The following RNLS variants were observed in gnomAD, a reference collection of about 807,000 sequenced individuals.
RNLS encodes the protein renalase, FAD dependent amine oxidase.
RNLS carries 39 observed loss-of-function variants against 39.8 expected under a neutral mutation model. That is an observed-to-expected ratio of 0.98 (90% CI 0.76 to 1.28). RNLS has a LOEUF of 1.28. Ranked by LOEUF, RNLS falls within the 50% of genes most tolerant of loss-of-function variation. The pLI is 0.00. For synonymous variants in RNLS, 147 were observed against 150.7 expected, an observed-to-expected ratio of 0.98 and a Z score of 0.18; for missense variants, 410 against 413.3, an observed-to-expected ratio of 0.99 and a Z score of 0.07.
chr10:88,576,376 A>G (rs1228217255), intron 3 of RNLS, among the ~76,000 whole-genome samples: 1 of 152,230 alleles, frequency 6.6e-6, no homozygotes, highest in Admixed American at 6.5e-5. Flanking sequence ...ACATTTTACA[A>G]AGGCAAATGT....
intron 4 of RNLS, among the ~76,000 whole-genome samples, chr10:88,463,013 T>C (rs1189987216): frequency 6.6e-6 from 1 of 152,086 alleles, no homozygotes; most frequent in African/African-American, 2.4e-5. Context: ...TGCATCTTCC[T>C]TTCCAGATAG....
At chr10:88,559,411 C>T (rs1849048133) in intron 4 of RNLS, among the ~76,000 whole-genome samples, 1 of 152,060 alleles carries the variant, frequency 6.6e-6, no homozygotes, top group African/African-American at 2.4e-5. Context: ...TGAACTAAGA[C>T]CCCTGTCATT....
At chr10:88,285,654 GAAACAAA>G in intron 6 of RNLS, 148 bp from the exon 7 acceptor site, 1 of 667,520 alleles carries the variant, frequency 1.5e-6, no homozygotes, top group East Asian at 2.7e-5. Flanking sequence ...GCACACACAA[GAAACAAA>G]AAACAAACCA....
intron 4 of RNLS, among the ~76,000 whole-genome samples, chr10:88,436,502 A>G (rs1841421645): frequency 6.6e-6 from 1 of 152,206 alleles, no homozygotes; most frequent in Non-Finnish European, 1.5e-5. Flanking sequence ...AAAGCCACTC[A>G]CAATGATATT....
At chr10:88,179,947 C>T in the RNLS span, among the ~76,000 whole-genome samples, 3 of 152,196 alleles carry the variant, frequency 2.0e-5, no homozygotes, top group Non-Finnish European at 4.4e-5. Flanking sequence ...ACAGAACATC[C>T]AAGTTACATG....
chr10:88,495,626 G>T (rs1845127876), intron 4 of RNLS, among the ~76,000 whole-genome samples: 2 of 152,234 alleles, frequency 1.3e-5, no homozygotes, highest in East Asian at 3.9e-4. Flanking sequence ...AATTTGCAGA[G>T]AAGGAGAGAA....
intron 5 of RNLS, among the ~76,000 whole-genome samples, chr10:88,359,778 T>A (rs1231198649): frequency 6.6e-6 from 1 of 152,256 alleles, no homozygotes; most frequent in African/African-American, 2.4e-5. Flanking sequence ...ATTTGCATAA[T>A]TTTATAAATT....
At chr10:88,237,050 T>C in the RNLS span, among the ~76,000 whole-genome samples, 4 of 152,170 alleles carry the variant, frequency 2.6e-5, no homozygotes, top group Non-Finnish European at 5.9e-5. Flanking sequence ...TCAGATCAAG[T>C]TGGATAAAGT....
exon 7 of RNLS, chr10:88,273,946 T>C (rs1326401776): frequency 1.3e-5 from 2 of 152,316 alleles, no homozygotes; most frequent in East Asian, 3.9e-4. Flanking sequence ...CACACATACA[T>C]AAACATACAT....
intron 4 of RNLS, among the ~76,000 whole-genome samples, chr10:88,538,989 G>T (rs1332540760): frequency 6.6e-6 from 1 of 152,156 alleles, no homozygotes; most frequent in East Asian, 1.9e-4. Context: ...CTTTAATGGG[G>T]TGACACATTC....
At chr10:88,171,847 C>T in the RNLS span, among the ~76,000 whole-genome samples, 1 of 152,150 alleles carries the variant, frequency 6.6e-6, no homozygotes, top group African/African-American at 2.4e-5. Context: ...TTCCTTCCCC[C>T]TACCCTTCCC....
At chr10:88,509,615 T>C (rs540338085) in intron 4 of RNLS, among the ~76,000 whole-genome samples, 1 of 151,584 alleles carries the variant, frequency 6.6e-6, no homozygotes, top group Non-Finnish European at 1.5e-5. Flanking sequence ...TTAAGTTGAA[T>C]CTTTAAGAAC....
the RNLS span, among the ~76,000 whole-genome samples, chr10:88,234,989 C>T: frequency 1.4e-4 from 21 of 151,790 alleles, no homozygotes; most frequent in East Asian, 3.9e-4. Context: ...GGGCCGGGCG[C>T]GGTGGCTCAA....
At chr10:88,554,221 GA>G (rs957212735) in intron 4 of RNLS, among the ~76,000 whole-genome samples, 5 of 151,232 alleles carry the variant, frequency 3.3e-5, no homozygotes, top group African/African-American at 1.2e-4. Context: ...GTTCTTATTT[GA>G]AGTCCTTAAT....
At chr10:88,298,922 T>G (rs1270152555) in intron 6 of RNLS, among the ~76,000 whole-genome samples, 1 of 152,236 alleles carries the variant, frequency 6.6e-6, no homozygotes, top group Non-Finnish European at 1.5e-5. Flanking sequence ...TACTGCCATC[T>G]TAAAAATATT....
chr10:88,187,094 A>G, the RNLS span, among the ~76,000 whole-genome samples: 6 of 148,680 alleles, frequency 4.0e-5, no homozygotes, highest in South Asian at 2.1e-4. Context: ...AGAAAGCCCA[A>G]TCTTTTGTAG....
chr10:88,223,849 G>A, the RNLS span, among the ~76,000 whole-genome samples: 1 of 152,092 alleles, frequency 6.6e-6, no homozygotes, highest in Non-Finnish European at 1.5e-5. Flanking sequence ...TTATGCTGTG[G>A]CTTCAGCTGA....
the RNLS span, among the ~76,000 whole-genome samples, chr10:88,247,253 C>T: frequency 6.6e-6 from 1 of 152,134 alleles, no homozygotes; most frequent in Non-Finnish European, 1.5e-5. Context: ...ACAATACATG[C>T]AACAGAGGGG....
At chr10:88,244,482 A>G in the RNLS span, among the ~76,000 whole-genome samples, 2 of 152,202 alleles carry the variant, frequency 1.3e-5, no homozygotes, top group African/African-American at 4.8e-5. Context: ...TTAGATCACA[A>G]TGATTTCCTT....
Sources: gnomAD v4.1 joint callset for allele counts (sites outside exome capture counted in the v4.1 genomes callset) on GRCh38, gnomAD v4.1.1 for gene constraint, MANE v1.5 for transcripts, NCBI Gene and HGNC (gene_info 2026-07-23, HGNC 2026-07-21) for gene names.